The following DGKG variants were observed in gnomAD, a reference collection of about 807,000 sequenced individuals.
DGKG encodes the protein diacylglycerol kinase gamma.
A neutral mutation model predicts 105.3 loss-of-function variants in DGKG; 78 were observed. The ratio of observed to expected loss-of-function variants is 0.74; its 90% CI spans 0.62 to 0.89. The LOEUF is 0.89. Ranked by LOEUF, DGKG falls within the 40% of genes least tolerant of loss-of-function variation. The pLI, the probability that DGKG is intolerant of heterozygous loss-of-function variation, is 0.00. For synonymous variants in DGKG, 346 were observed against 367.1 expected, an observed-to-expected ratio of 0.94 and a Z score of 0.66; for missense variants, 958 against 1,020.1, an observed-to-expected ratio of 0.94 and a Z score of 0.83.
intron 20 of DGKG, among the ~76,000 whole-genome samples, chr3:186,218,625 T>A (rs1418596562): frequency 6.6e-6 from 1 of 152,044 alleles, no homozygotes; most frequent in Non-Finnish European, 1.5e-5. Context: ...TCACGTGTTC[T>A]ACAACTGCTG....
At chr3:186,251,087 G>T (rs867334053) in intron 19 of DGKG, among the ~76,000 whole-genome samples, 2 of 151,484 alleles carry the variant, frequency 1.3e-5, no homozygotes, top group African/African-American at 4.9e-5. Context: ...TGCACTGAGG[G>T]AGTGTGTGTG....
chr3:186,246,977 T>C (rs1213141357), intron 19 of DGKG, among the ~76,000 whole-genome samples: 1 of 152,164 alleles, frequency 6.6e-6, no homozygotes, highest in Non-Finnish European at 1.5e-5. Flanking sequence ...ACACATACCT[T>C]GGGAATTATT....
chr3:186,258,210 T>C (rs1383545257), intron 16 of DGKG, among the ~76,000 whole-genome samples: 1 of 152,216 alleles, frequency 6.6e-6, no homozygotes, highest in Non-Finnish European at 1.5e-5. Context: ...AATTCTGTAC[T>C]AGTTACGCAG....
In DGKG at chr3:186,302,460, CTATATATATATATATATATATATA is replaced by C. The variant is rs58937810; in HGVS notation, c.145-4255_145-4232del. Reference sequence around the variant, plus strand: ...AGATTGGAAAAAGGGGGGAAATGTGCTATATATATATATATATATATATATATATATATATATATATATATACAT... The same window carrying C: ...AGATTGGAAAAAGGGGGGAAATGTGCTATATATATATATATATATATACAT... On this transcript the variant is annotated intron_variant, in intron 3 of 24. Coordinates refer to ENST00000265022, the MANE Select transcript of DGKG (RefSeq NM_001346.3). Among the ~76,000 whole-genome samples, 232 of 48,804 alleles carry C rather than the reference CTATATATATATATATATATATATA, an allele frequency of 4.8e-3. 4 individuals are homozygous for C. Among genetic ancestry groups the C allele is most frequent in the African/African-American group, 0.014 (205 of 14,354 alleles). 32.0% of individuals were successfully genotyped at this position (48,804 alleles called of 152,430 possible).
At chr3:186,239,387 C>T (rs1165467967) in intron 20 of DGKG, among the ~76,000 whole-genome samples, 2 of 152,186 alleles carry the variant, frequency 1.3e-5, no homozygotes, top group Non-Finnish European at 2.9e-5. Flanking sequence ...GTTTACATTT[C>T]CAAATCCTGG....
At chr3:186,157,323 TA>T (rs1201180761) in intron 24 of DGKG, among the ~76,000 whole-genome samples, 1 of 152,248 alleles carries the variant, frequency 6.6e-6, no homozygotes, top group South Asian at 2.1e-4. Context: ...AATATGCTCA[TA>T]GGGGTGAATG....
At chr3:186,332,316 G>A (rs549645836) in intron 1 of DGKG, among the ~76,000 whole-genome samples, 2 of 152,346 alleles carry the variant, frequency 1.3e-5, no homozygotes, top group East Asian at 3.9e-4. Context: ...CTTGCCCTGG[G>A]GCCACCTCTG....
chr3:186,182,924 A>G (rs1400360), intron 22 of DGKG, among the ~76,000 whole-genome samples: 26,273 of 152,122 alleles, frequency 0.17, 3,120 homozygotes, highest in African/African-American at 0.33. Flanking sequence ...CAGGGAAAAC[A>G]TATGATGAGA....
intron 22 of DGKG, among the ~76,000 whole-genome samples, chr3:186,174,719 AG>A (rs1224796422): frequency 6.7e-6 from 1 of 149,620 alleles, no homozygotes; most frequent in Non-Finnish European, 1.5e-5. Flanking sequence ...ACAACCATCC[AG>A]GTTGCCTTCT....
rs1718591953 is a variant in DGKG at position 186,203,868 on chromosome 3, C to G, written c.1917+7927G>C. Reference sequence around the variant, plus strand: ...CGTCAGCCAATTCCTACTTTCCTTACTCCAGGGAAAGGCTCTACCTGTGGT... The same window carrying G: ...CGTCAGCCAATTCCTACTTTCCTTAGTCCAGGGAAAGGCTCTACCTGTGGT... On this transcript the variant is annotated intron_variant, in intron 21 of 24. Transcript: ENST00000265022. The surrounding 1 kb of genome is among the most constrained non-coding windows in gnomAD (Gnocchi z 4.9). 2.0e-5 allele frequency among the ~76,000 whole-genome samples: 3 copies of G among 152,328 alleles called. No homozygotes were observed. The highest frequency in any genetic ancestry group is 6.8e-3 in the Middle Eastern group (2 of 294).
chr3:186,253,615 AAGT>A (rs1721325385), intron 17 of DGKG, among the ~76,000 whole-genome samples: 1 of 152,178 alleles, frequency 6.6e-6, no homozygotes, highest in South Asian at 2.1e-4. Context: ...GACAGAGGGA[AAGT>A]AGTCTACAAC....
At chr3:186,251,567 A>T (rs79403818) in intron 19 of DGKG, among the ~76,000 whole-genome samples, 192 bp downstream of exon 19, 4 of 152,114 alleles carry the variant, frequency 2.6e-5, no homozygotes, top group Admixed American at 2.6e-4. Flanking sequence ...TAAGCAAGAG[A>T]TGGGGAATAA....
chr3:186,287,455 A>C (rs1355786377), intron 6 of DGKG, among the ~76,000 whole-genome samples: 4 of 152,212 alleles, frequency 2.6e-5, no homozygotes, highest in Non-Finnish European at 4.4e-5. Flanking sequence ...ACAGATGTTC[A>C]CTGTACTCTC....
chr3:186,155,292 A>G (rs1715981580), intron 24 of DGKG, among the ~76,000 whole-genome samples: 1 of 152,132 alleles, frequency 6.6e-6, no homozygotes, highest in Non-Finnish European at 1.5e-5. Context: ...TCCCGGGTTC[A>G]AGTGATTCTC....
chr3:186,198,001 A>G (rs1718269102), intron 21 of DGKG, among the ~76,000 whole-genome samples: 1 of 152,192 alleles, frequency 6.6e-6, no homozygotes, highest in Non-Finnish European at 1.5e-5. Context: ...TCTGTCCCCT[A>G]GGAGACTTTA....
intron 20 of DGKG, among the ~76,000 whole-genome samples, chr3:186,229,859 G>A (rs1720057642): frequency 6.6e-6 from 1 of 152,216 alleles, no homozygotes; most frequent in Non-Finnish European, 1.5e-5. Context: ...CTCTCCGAGT[G>A]AGAAAGCTTA....
intron 1 of DGKG, among the ~76,000 whole-genome samples, chr3:186,347,448 CAAAA>C (rs576239325): frequency 3.9e-5 from 2 of 51,566 alleles, no homozygotes; most frequent in African/African-American, 6.8e-5. Flanking sequence ...GACTCAGTCT[CAAAA>C]AAAAAAAAAA....
chr3:186,315,664 A>T (rs1014376286), intron 2 of DGKG, among the ~76,000 whole-genome samples: 1 of 151,842 alleles, frequency 6.6e-6, no homozygotes, highest in Non-Finnish European at 1.5e-5. Flanking sequence ...AATGTAGTAA[A>T]AAAAAAAAAA....
chr3:186,335,889 C>A (rs1365653351), intron 1 of DGKG, among the ~76,000 whole-genome samples: 2 of 152,276 alleles, frequency 1.3e-5, no homozygotes, highest in African/African-American at 4.8e-5. Flanking sequence ...AAATGCCACA[C>A]AATATAGGAT....
Sources: allele counts gnomAD v4.1 joint callset (sites outside exome capture counted in the v4.1 genomes callset), GRCh38; gene constraint gnomAD v4.1.1; non-coding constraint Gnocchi (gnomAD v3.1); transcripts MANE v1.5; gene names NCBI Gene and HGNC (gene_info 2026-07-23, HGNC 2026-07-21).